Variants in KANK1 observed in about 807,000 individuals in gnomAD.
KANK1 encodes the protein KN motif and ankyrin repeat domains 1, also known as KN motif and ankyrin repeat domain-containing protein 1.
KANK1 carries 109 observed loss-of-function variants against 106.2 expected under a neutral mutation model. That is an observed-to-expected ratio of 1.03 (90% CI 0.88 to 1.20). The LOEUF is 1.20. KANK1 is among the 50% of genes most tolerant of loss of function. The probability of loss-of-function intolerance (pLI) is 0.00; values close to 1 mark genes in which losing one functional copy is unlikely to be tolerated. For synonymous variants in KANK1, 873 were observed against 652.2 expected (o/e 1.34, Z -5.16); for missense variants, 2,399 against 1,710.7 (o/e 1.40, Z -7.10).
chr9:509,439 T>C (rs930136176), intron 1 of KANK1, among the ~76,000 whole-genome samples: 23 of 152,240 alleles, frequency 1.5e-4, no homozygotes, highest in African/African-American at 5.5e-4. Flanking sequence ...ATTTGTTGTC[T>C]TCACTTCCAG....
intron 1 of KANK1, among the ~76,000 whole-genome samples, chr9:543,290 T>G (rs2060719237): frequency 1.3e-5 from 2 of 152,048 alleles, no homozygotes; most frequent in South Asian, 4.2e-4. Flanking sequence ...GCACGGTGGC[T>G]CATGCTTGTA....
intron 1 of KANK1, among the ~76,000 whole-genome samples, chr9:616,994 T>G (rs1025678064): frequency 2.6e-5 from 4 of 152,184 alleles, no homozygotes; most frequent in African/African-American, 9.7e-5. Flanking sequence ...TGGTGAATAG[T>G]AATGTAATCT....
At chr9:694,351 C>T (rs1191338194) in intron 2 of KANK1, among the ~76,000 whole-genome samples, 1 of 152,182 alleles carries the variant, frequency 6.6e-6, no homozygotes, top group Non-Finnish European at 1.5e-5. Context: ...TTCTTTTTTA[C>T]GCTTAGAACA....
intron 2 of KANK1, among the ~76,000 whole-genome samples, chr9:689,268 G>A (rs940636311): frequency 3.3e-5 from 5 of 152,142 alleles, no homozygotes; most frequent in African/African-American, 1.2e-4. Flanking sequence ...CATGTGTTTG[G>A]GGAAATGCGT....
In KANK1 at chr9:601,511, CT is replaced by C. The variant is rs559888263; in HGVS notation, c.-83-75371del. Among the ~76,000 whole-genome samples, 29 of 151,604 alleles carry C rather than the reference CT, an allele frequency of 1.9e-4. No homozygotes were observed. The East Asian group carries it at 5.0e-3, about 26-fold the overall frequency. On this transcript the variant is annotated intron_variant, in intron 1 of 11. Coordinates refer to ENST00000382297, the MANE Select transcript of KANK1 (RefSeq NM_015158.5). The stretch of plus-strand genomic sequence containing the variant: ...TCCTAGTGTTTACCTTTAAGTTATG[CT>C]TTTTTTTGTTTTGAAAGAAGACCAC...
At chr9:689,465 G>C (rs16922595) in intron 2 of KANK1, among the ~76,000 whole-genome samples, 1,998 of 152,252 alleles carry the variant, frequency 0.013, 48 homozygotes, top group African/African-American at 0.046. Flanking sequence ...CTCATGTTAA[G>C]TCTTCTGAGC....
At chr9:687,192 C>T (rs1460564267) in intron 2 of KANK1, among the ~76,000 whole-genome samples, 1 of 152,112 alleles carries the variant, frequency 6.6e-6, no homozygotes, top group African/African-American at 2.4e-5. Context: ...CAGAATACAT[C>T]TTTGCCATTT....
intron 3 of KANK1, among the ~76,000 whole-genome samples, chr9:722,195 G>A (rs1829508958): frequency 1.3e-5 from 2 of 152,190 alleles, no homozygotes; most frequent in South Asian, 4.1e-4. Context: ...AGACTAAACT[G>A]CCTTTGTAAA....
chr9:561,264 G>C (rs905602681), intron 1 of KANK1, among the ~76,000 whole-genome samples: 4 of 152,172 alleles, frequency 2.6e-5, no homozygotes, highest in African/African-American at 9.7e-5. Flanking sequence ...TTTTTGCTTT[G>C]TAAACACACA....
chr9:713,935 C>T (rs74871575), intron 3 of KANK1, among the ~76,000 whole-genome samples: 1,768 of 152,234 alleles, frequency 0.012, 41 homozygotes, highest in African/African-American at 0.041. Context: ...TTCTTTAATT[C>T]AGCAAATAAT....
At chr9:693,694 C>A in intron 2 of KANK1, 1 of 985,322 alleles carries the variant, frequency 1.0e-6, no homozygotes, top group Non-Finnish European at 1.2e-6. Context: ...TCTTTGCCTG[C>A]TAATGTGTGG....
intron 1 of KANK1, among the ~76,000 whole-genome samples, chr9:555,311 G>A (rs902402994): frequency 2.6e-5 from 4 of 152,298 alleles, no homozygotes; most frequent in Admixed American, 6.5e-5. Context: ...TGGGAAGACA[G>A]TGGGGACACC....
At chr9:586,276 T>G (rs577825355) in intron 1 of KANK1, among the ~76,000 whole-genome samples, 1 of 152,256 alleles carries the variant, frequency 6.6e-6, no homozygotes, top group South Asian at 2.1e-4. Context: ...AGTTCTTCAT[T>G]TTACAGTCAA....
intron 3 of KANK1, among the ~76,000 whole-genome samples, chr9:717,953 C>T (rs1226644585): frequency 6.6e-6 from 1 of 151,798 alleles, no homozygotes; most frequent in East Asian, 1.9e-4. Context: ...AATCAGCTTC[C>T]GTATTTATAC....
chr9:503,583 G>A (rs373734130), upstream of KANK1, among the ~76,000 whole-genome samples: 11 of 152,340 alleles, frequency 7.2e-5, no homozygotes, highest in East Asian at 1.9e-3. Flanking sequence ...GACTGAGCGT[G>A]TGTAACGCCC....
chr9:652,613 A>G (rs1841162027), intron 1 of KANK1, among the ~76,000 whole-genome samples: 1 of 152,222 alleles, frequency 6.6e-6, no homozygotes, highest in Non-Finnish European at 1.5e-5. Context: ...TGAAAGGGGA[A>G]TACTATGCAG....
chr9:570,152 T>G (rs1327727621), intron 1 of KANK1, among the ~76,000 whole-genome samples: 1 of 152,218 alleles, frequency 6.6e-6, no homozygotes, highest in African/African-American at 2.4e-5. Flanking sequence ...GCTCTCTCAT[T>G]GCTACTTTGG....
rs766671367 is a variant in KANK1 at position 710,202 on chromosome 9, A to ACAT, written c.38-601_38-599dup. ...CCTGCACATGTACTCCCTGAATCTA[A>ACAT]CATACAGTTTTAAAAAATAATACAA... On this transcript the variant is annotated intron_variant, in intron 2 of 11. Coordinates refer to ENST00000382297, the MANE Select transcript of KANK1 (RefSeq NM_015158.5). 7.9e-5 allele frequency among the ~76,000 whole-genome samples: 12 copies of ACAT among 152,282 alleles called. 1 individual carries two copies. The East Asian group carries it at 2.3e-3, about 29-fold the overall frequency.
In KANK1 at chr9:712,002, C is replaced by T. The variant is rs201871466; in HGVS notation, c.1236C>T (p.Ile412=). The T allele has an allele frequency of 6.1e-5, 99 of 1,614,116 alleles. No homozygotes were observed. The highest frequency in any genetic ancestry group is 9.3e-5 in the African/African-American group (7 of 75,030). The change falls in exon 3 of 12, where the codon ATC becomes ATT. Residue 412 remains isoleucine (I), a synonymous_variant. Coordinates refer to ENST00000382297, the MANE Select transcript of KANK1 (RefSeq NM_015158.5). ...AVGAEENMND[I]VVYHRGSRSC... The stretch of plus-strand genomic sequence containing the variant: ...GTGCCGAGGAGAACATGAACGACAT[C>T]GTCGTGTACCACAGAGGCTCCAGGT...
Sources: allele counts gnomAD v4.1 joint callset (sites outside exome capture counted in the v4.1 genomes callset), GRCh38; gene constraint gnomAD v4.1.1; transcripts MANE v1.5; gene names NCBI Gene and HGNC (gene_info 2026-07-23, HGNC 2026-07-21).